Variants in SNX30 observed in about 807,000 individuals in gnomAD.
SNX30 encodes sorting nexin family member 30, also known as sorting nexin-30.
Under a neutral mutation model 46.4 loss-of-function variants are expected in SNX30, and 24 were observed. The ratio of observed to expected loss-of-function variants is 0.52; its 90% CI spans 0.37 to 0.73. The LOEUF (loss-of-function observed/expected upper bound fraction) is 0.73, where lower values mean the gene tolerates loss of function less well. SNX30 is among the 30% of genes least tolerant of loss of function. The probability of loss-of-function intolerance (pLI) is 0.00; values close to 1 mark genes in which losing one functional copy is unlikely to be tolerated. For missense variants in SNX30, 533 were observed against 555.7 expected, an observed-to-expected ratio of 0.96 and a Z score of 0.41; for synonymous variants, 189 against 211.5, an observed-to-expected ratio of 0.89 and a Z score of 0.92.
At chr9:112,840,948 T>C (rs1341717681) in intron 6 of SNX30, among the ~76,000 whole-genome samples, 2 of 150,912 alleles carry the variant, frequency 1.3e-5, no homozygotes, top group African/African-American at 4.9e-5. Flanking sequence ...CCTGGCTAAT[T>C]TTTTGTATTT....
At chr9:112,788,903 C>T (rs1385901234) in intron 1 of SNX30, among the ~76,000 whole-genome samples, 2 of 152,154 alleles carry the variant, frequency 1.3e-5, no homozygotes, top group Non-Finnish European at 2.9e-5. Context: ...TTAGGTGATC[C>T]TCCCACCTCA....
rs111907002 is a variant in SNX30, at chr9:112,779,589, A to T, written c.157-25187A>T. On this transcript the variant is annotated intron_variant, in intron 1 of 8. Transcript: ENST00000374232. Reference sequence around the variant, plus strand: ...AGGTGCCTGTAGTCCCAGCTACTTAAGAGGCTGAGGCAGGAGAATTGCTTG... The same window carrying T: ...AGGTGCCTGTAGTCCCAGCTACTTATGAGGCTGAGGCAGGAGAATTGCTTG... Among the ~76,000 whole-genome samples the T allele has an allele frequency of 6.6e-5, 10 of 152,196 alleles. No homozygotes were observed. In the South Asian group the frequency reaches 1.5e-3, roughly 22 times the overall value.
chr9:112,855,198 A>G (rs2131489891), intron 7 of SNX30, among the ~76,000 whole-genome samples: 1 of 152,146 alleles, frequency 6.6e-6, no homozygotes, highest in East Asian at 1.9e-4. Context: ...TCACGAAGCC[A>G]GAGCTGCTGT....
At chr9:112,775,407 C>G (rs1357040036) in intron 1 of SNX30, among the ~76,000 whole-genome samples, 1 of 152,112 alleles carries the variant, frequency 6.6e-6, no homozygotes, top group Non-Finnish European at 1.5e-5. Flanking sequence ...CTTGGCCTCC[C>G]AAAGTGCTGG....
At chr9:112,805,059 T>C (rs951032252) in intron 2 of SNX30, 92 bp downstream of exon 2, 7 of 884,614 alleles carry the variant, frequency 7.9e-6, no homozygotes, top group Non-Finnish European at 1.2e-5. Context: ...TCCCCCTTAT[T>C]GTACAACTCT....
At position 112,874,272 on chromosome 9, in the gene SNX30, C is replaced by T. The variant is rs1841488865; in HGVS notation, c.*5429C>T. 1 of 152,164 alleles carries T rather than the reference C, an allele frequency of 6.6e-6. No individual in the cohort carries two copies. The highest frequency in any genetic ancestry group is 6.6e-5 in the Admixed American group (1 of 15,264). The allele number at this position is 152,164 out of a possible 1,614,324, so 9.4% of individuals were successfully genotyped here. A position where few individuals can be genotyped will look rare whatever the true frequency, so the allele number is the denominator to read the frequency against. ...TAAAGGCGCTTTTGGCCTAGACACCCCTGAAGTTTGGATGAAGTCTGGTGG... is the reference window on the plus strand; with the variant it reads ...TAAAGGCGCTTTTGGCCTAGACACCTCTGAAGTTTGGATGAAGTCTGGTGG... On this transcript the variant is annotated 3_prime_UTR_variant, in exon 9 of 9. Transcript: ENST00000374232.
intron 4 of SNX30, among the ~76,000 whole-genome samples, chr9:112,834,908 CAA>C (rs1840728702): frequency 6.8e-6 from 1 of 147,716 alleles, no homozygotes; most frequent in Non-Finnish European, 1.5e-5. Flanking sequence ...AAGGCTGGAT[CAA>C]GAGCAAAAAT....
chr9:112,815,753 A>C (rs1326096722), intron 2 of SNX30, among the ~76,000 whole-genome samples: 2 of 152,224 alleles, frequency 1.3e-5, no homozygotes, highest in East Asian at 1.9e-4. Context: ...GTCACCTTTC[A>C]AAATATGTCT....
intron 1 of SNX30, among the ~76,000 whole-genome samples, chr9:112,771,180 T>G (rs1043982568): frequency 3.9e-5 from 6 of 152,224 alleles, no homozygotes; most frequent in Admixed American, 2.0e-4. Flanking sequence ...TGATCTGGTT[T>G]GCTTATTGCT....
At chr9:112,851,439 C>T (rs758236077) in intron 7 of SNX30, among the ~76,000 whole-genome samples, 2 of 152,296 alleles carry the variant, frequency 1.3e-5, no homozygotes, top group Non-Finnish European at 2.9e-5. Context: ...GAGCAAGCTG[C>T]GTGCTGGTTC....
In SNX30 at chr9:112,822,434, C is replaced by T. The variant is rs535840065; in HGVS notation, c.459+4619C>T. ...TAGCCTTGCACATATTTAATGCATA[C>T]GATTCGATAGGCTTGTATGTACCCC... On this transcript the variant is annotated intron_variant, in intron 3 of 8. Coordinates refer to ENST00000374232, the MANE Select transcript of SNX30 (RefSeq NM_001012994.2). 9.9e-5 allele frequency among the ~76,000 whole-genome samples: 15 copies of T among 151,720 alleles called. 1 individual carries two copies. In the South Asian group the frequency reaches 2.3e-3, roughly 23 times the overall value.
chr9:112,859,540 T>TC (rs751943173), intron 7 of SNX30, among the ~76,000 whole-genome samples: 14 of 152,242 alleles, frequency 9.2e-5, no homozygotes, highest in Non-Finnish European at 4.4e-5. Flanking sequence ...CATACTGTTT[T>TC]CCATAGCAGC....
chr9:112,812,103 TC>T (rs1840329601), intron 2 of SNX30, among the ~76,000 whole-genome samples: 1 of 152,212 alleles, frequency 6.6e-6, no homozygotes, highest in Non-Finnish European at 1.5e-5. Context: ...CTCTACTTTT[TC>T]CCTCTGTCCT....
intron 4 of SNX30, among the ~76,000 whole-genome samples, chr9:112,833,018 A>T (rs1840693377): frequency 6.6e-6 from 1 of 151,868 alleles, no homozygotes. Context: ...AAATGGCCTT[A>T]TCTTTTCTTT....
At chr9:112,849,919 T>C (rs1007154601) in intron 6 of SNX30, among the ~76,000 whole-genome samples, 2 of 152,248 alleles carry the variant, frequency 1.3e-5, no homozygotes, top group Admixed American at 6.5e-5. Context: ...CTTGTGATTC[T>C]ATTAAAGGAA....
intron 1 of SNX30, among the ~76,000 whole-genome samples, chr9:112,752,041 G>A (rs1839286696): frequency 6.6e-6 from 1 of 152,166 alleles, no homozygotes; most frequent in South Asian, 2.1e-4. Flanking sequence ...TTGTTCTCAG[G>A]TCTTGTGATC....
At chr9:112,777,306 C>T (rs1039601717) in intron 1 of SNX30, among the ~76,000 whole-genome samples, 3 of 152,140 alleles carry the variant, frequency 2.0e-5, no homozygotes, top group African/African-American at 7.2e-5. Context: ...TGAGCTCAGC[C>T]CGTCACCATT....
chr9:112,864,167 C>T (rs1015504103), intron 7 of SNX30, 80 bp from the exon 8 acceptor site: 2 of 1,457,624 alleles, frequency 1.4e-6, no homozygotes, highest in Non-Finnish European at 1.9e-6. Context: ...TGGCCTTTGA[C>T]AAATGTGTGC....
chr9:112,753,249 G>C (rs970374354), intron 1 of SNX30, among the ~76,000 whole-genome samples: 3 of 152,064 alleles, frequency 2.0e-5, no homozygotes, highest in African/African-American at 7.2e-5. Flanking sequence ...ATAAGCACTT[G>C]GAAGACAAAT....
Sources: gnomAD v4.1 joint callset for allele counts (sites outside exome capture counted in the v4.1 genomes callset) on GRCh38, gnomAD v4.1.1 for gene constraint, MANE v1.5 for transcripts, NCBI Gene and HGNC (gene_info 2026-07-23, HGNC 2026-07-21) for gene names.